Variants in ZNF473 observed in about 807,000 individuals in gnomAD.
ZNF473 encodes zinc finger protein 100 homolog.
Under a neutral mutation model 11.1 loss-of-function variants are expected in ZNF473, and 4 were observed. The observed-to-expected ratio is 0.36, with a 90% CI of 0.18 to 0.82. The LOEUF is 0.82. ZNF473 is among the 40% of genes least tolerant of loss of function. The pLI is 0.49. For synonymous variants in ZNF473, 404 were observed against 390.4 expected, an observed-to-expected ratio of 1.03 and a Z score of -0.41; for missense variants, 854 against 1,084.0, an observed-to-expected ratio of 0.79 and a Z score of 2.98.
rs769455350 is a variant in ZNF473, at chr19:50,045,514, C to T, written c.1071C>T (p.Asn357=). The change falls in exon 5 of 5, where the codon AAC becomes AAT. Residue 357 remains asparagine (N), a synonymous_variant. Coordinates refer to ENST00000270617, the MANE Select transcript of ZNF473 (RefSeq NM_015428.4). Reference sequence around the variant, plus strand: ...GTTCCAAGTGCCAGGCGACCTTCAACTTGAGAAAACACCTCATCCAACATC... The same window carrying T: ...GTTCCAAGTGCCAGGCGACCTTCAATTTGAGAAAACACCTCATCCAACATC... ...YECSKCQATF[N]LRKHLIQHQK... 8.7e-6 allele frequency: 14 copies of T among 1,614,102 alleles called. No homozygotes were observed. Among genetic ancestry groups the T allele is most frequent in the Non-Finnish European group, 4.2e-6 (5 of 1,180,046 alleles).
rs1979238891 is a variant in ZNF473 at position 50,048,031 on chromosome 19, T to C, written c.*972T>C. ...TCCAGGATGGCCGCTCACCAGGCAA[T>C]TTGCTAGGCTCGGGGGCGGGTAGTA... On this transcript the variant is annotated 3_prime_UTR_variant, in exon 5 of 5. Transcript: ENST00000270617. The C allele has an allele frequency of 6.6e-6, 1 of 152,220 alleles. No homozygotes were observed. The highest frequency in any genetic ancestry group is 2.4e-5 in the African/African-American group (1 of 41,452). The allele number at this position is 152,220 out of a possible 1,614,324, so 9.4% of individuals were successfully genotyped here. A position where few individuals can be genotyped will look rare whatever the true frequency, so the allele number is the denominator to read the frequency against.
At chr19:50,030,742 C>G (rs147405487) in intron 1 of ZNF473, 150 bp from the exon 2 acceptor site, 168 of 409,108 alleles carry the variant, frequency 4.1e-4, no homozygotes, top group Non-Finnish European at 7.4e-4. Context: ...CATAGACTTT[C>G]ATCACCAAAT....
At chr19:50,028,222 C>T (rs184147567) in intron 1 of ZNF473, among the ~76,000 whole-genome samples, 55 of 148,162 alleles carry the variant, frequency 3.7e-4, no homozygotes, top group African/African-American at 1.2e-3. Flanking sequence ...GGCATGAGCC[C>T]GGGAGGCAGA....
chr19:50,037,390 A>T (rs1287619822), intron 2 of ZNF473, among the ~76,000 whole-genome samples: 1 of 152,122 alleles, frequency 6.6e-6, no homozygotes, highest in Admixed American at 6.5e-5. Context: ...TCTTTCTTAA[A>T]ATGTGCCTGT....
rs1442601669 is a variant in ZNF473 at position 50,047,081 on chromosome 19, C to G, written c.*22C>G. 1 of 1,579,036 alleles carries G rather than the reference C, an allele frequency of 6.3e-7. No individual in the cohort carries two copies. The highest frequency in any genetic ancestry group is 1.1e-5 in the South Asian group (1 of 89,770). ...GTAGCCATTGGGTGGCAGCAGAGTC[C>G]CAGAATATGAGACCGTTACTCGGAT... On this transcript the variant is annotated 3_prime_UTR_variant, in exon 5 of 5. Coordinates refer to ENST00000270617, the MANE Select transcript of ZNF473 (RefSeq NM_015428.4).
intron 2 of ZNF473, among the ~76,000 whole-genome samples, chr19:50,031,960 C>T (rs910391233): frequency 6.6e-6 from 1 of 151,948 alleles, no homozygotes; most frequent in African/African-American, 2.4e-5. Context: ...CCCGATACCT[C>T]CCTTTGCCAC....
chr19:50,035,367 C>T (rs535586042), intron 2 of ZNF473, among the ~76,000 whole-genome samples: 2 of 151,610 alleles, frequency 1.3e-5, no homozygotes, highest in African/African-American at 2.4e-5. Flanking sequence ...AAATGCTTGA[C>T]TCTCCTTTTA....
In ZNF473 at chr19:50,044,741, G is replaced by C; in HGVS notation, c.298G>C (p.Glu100Gln). 6.2e-7 allele frequency: 1 copy of C among 1,614,208 alleles called. No individual in the cohort carries two copies. Among genetic ancestry groups the C allele is most frequent in the Non-Finnish European group, 8.5e-7 (1 of 1,180,026 alleles). The change falls in exon 5 of 5, where the codon GAG (glutamate) becomes CAG (glutamine). Residue 100 changes from glutamate to glutamine, a missense_variant. Glu to Gln is a conservative substitution (Grantham distance 29, BLOSUM62 2). This residue lies in a region of ZNF473 where 668 missense variants were observed against 790.2 expected (regional missense o/e 0.85). Coordinates refer to ENST00000270617, the MANE Select transcript of ZNF473 (RefSeq NM_015428.4). ...FEEGFSQEII[E>Q]MLSKDGFWNS... ...AGAAGGATTCTCCCAGGAGATTATA[G>C]AGATGTTATCCAAGGATGGCTTCTG... is the stretch of plus-strand genomic sequence containing the variant.
chr19:50,026,550 TAA>T (rs71180669), intron 1 of ZNF473, among the ~76,000 whole-genome samples: 77 of 119,292 alleles, frequency 6.5e-4, no homozygotes, highest in African/African-American at 1.7e-3. Flanking sequence ...GACTACATCT[TAA>T]AAAAAAAAAA....
At chr19:50,033,917 T>C (rs1273017239) in intron 2 of ZNF473, among the ~76,000 whole-genome samples, 1 of 152,182 alleles carries the variant, frequency 6.6e-6, no homozygotes, top group Non-Finnish European at 1.5e-5. Flanking sequence ...TCTCCCCATT[T>C]CCAGATTCTT....
intron 2 of ZNF473, among the ~76,000 whole-genome samples, chr19:50,031,594 C>A (rs535045525): frequency 6.6e-6 from 1 of 152,222 alleles, no homozygotes; most frequent in East Asian, 1.9e-4. Flanking sequence ...TCAGCACTTT[C>A]CTGCTCTAGC....
Position 50,039,263 on chromosome 19 carries a change from A to G in ZNF473, c.112A>G (p.Asn38Asp), listed in dbSNP as rs1978642830. 1.9e-6 allele frequency: 3 copies of G among 1,614,096 alleles called. No homozygotes were observed. The highest frequency in any genetic ancestry group is 2.5e-6 in the Non-Finnish European group (3 of 1,179,964). The change falls in exon 3 of 5, where the codon AAT becomes GAT. Residue 38 changes from asparagine (N) to aspartate (D), a missense_variant. This residue lies in a region of ZNF473 where 668 missense variants were observed against 790.2 expected (regional missense o/e 0.85). Transcript: ENST00000270617. The surrounding 1 kb of genome is among the most constrained non-coding windows in gnomAD (Gnocchi z 4.8). ...GDTFWDTALD[N>D]CQDLFLLDPP... is the part of the protein sequence containing the mutation. ...CACGTTCTGGGACACAGCGTTGGAC[A>G]ATTGCCAGGACCTCTTCCTGCTGGG...
At position 50,029,186 on chromosome 19, in the gene ZNF473, C is replaced by G. The variant is rs191341752; in HGVS notation, c.-191-1706C>G. ...TGAGACGGAGTCTCGCTCTGTCGCCCAGGCTGGAGTGCATGGCGCCATCTC... is the reference window on the plus strand; with the variant it reads ...TGAGACGGAGTCTCGCTCTGTCGCCGAGGCTGGAGTGCATGGCGCCATCTC... On this transcript the variant is annotated intron_variant, in intron 1 of 4. Coordinates refer to ENST00000270617, the MANE Select transcript of ZNF473 (RefSeq NM_015428.4). Among the ~76,000 whole-genome samples, 501 of 152,332 alleles carry G rather than the reference C, an allele frequency of 3.3e-3. 2 individuals carry two copies. Among genetic ancestry groups the G allele is most frequent in the African/African-American group, 0.011 (461 of 41,570 alleles).
In ZNF473 at chr19:50,045,420, G is replaced by T. The variant is rs776342217; in HGVS notation, c.977G>T (p.Gly326Val). Residue 326 changes from glycine (G) to valine (V), a missense_variant, in exon 5 of 5, where the codon GGC (glycine) becomes GTC (valine). By Grantham distance (109) the Gly-to-Val change is moderately radical. This residue lies in a region of ZNF473 where 668 missense variants were observed against 790.2 expected (regional missense o/e 0.85). Coordinates refer to ENST00000270617, the MANE Select transcript of ZNF473 (RefSeq NM_015428.4). ...AAGTCCTACAACTGTAACGAATGCGGCAAGGCTTTTACCCGGATCTTCCAC... is the reference window on the plus strand; with the variant it reads ...AAGTCCTACAACTGTAACGAATGCGTCAAGGCTTTTACCCGGATCTTCCAC... ...DSKSYNCNEC[G>V]KAFTRIFHLT... The T allele has an allele frequency of 6.2e-7, 1 of 1,614,104 alleles. No individual in the cohort carries two copies. Among genetic ancestry groups the T allele is most frequent in the Non-Finnish European group, 8.5e-7 (1 of 1,180,022 alleles).
chr19:50,038,644 T>C (rs1039282661), intron 2 of ZNF473, among the ~76,000 whole-genome samples: 4 of 152,142 alleles, frequency 2.6e-5, no homozygotes, highest in South Asian at 2.1e-4. Context: ...TGGATTCTGA[T>C]TGAGACGAGC....
chr19:50,040,698 TC>T (rs1168941679), intron 3 of ZNF473: 1 of 152,278 alleles, frequency 6.6e-6, no homozygotes, highest in Non-Finnish European at 1.5e-5. Flanking sequence ...TCATTTTCCC[TC>T]TCTGTTGCCT....
At chr19:50,036,138 T>A (rs1198475744) in intron 2 of ZNF473, among the ~76,000 whole-genome samples, 1 of 151,384 alleles carries the variant, frequency 6.6e-6, no homozygotes, top group East Asian at 1.9e-4. Context: ...TTTGTGTTTT[T>A]GGTAGAGATG....
intron 2 of ZNF473, among the ~76,000 whole-genome samples, chr19:50,034,264 C>T (rs954860444): frequency 1.3e-5 from 2 of 152,206 alleles, no homozygotes; most frequent in African/African-American, 4.8e-5. Flanking sequence ...CTTCTCACCC[C>T]CTCCATTGCT....
chr19:50,045,944 C>A lies in ZNF473; in HGVS notation c.1501C>A (p.Arg501Ser), dbSNP rs1417055554. The A allele has an allele frequency of 1.2e-6, 2 of 1,614,038 alleles. No individual in the cohort carries two copies. The highest frequency in any genetic ancestry group is 1.7e-6 in the Non-Finnish European group (2 of 1,180,040). The change falls in exon 5 of 5, where the codon CGC becomes AGC. Residue 501 changes from arginine (R) to serine (S), a missense_variant. Physicochemically the swap from Arg to Ser is moderately radical, Grantham distance 110. This residue lies in a region of ZNF473 where 668 missense variants were observed against 790.2 expected (regional missense o/e 0.85). Transcript: ENST00000270617. ...ECKETFSDNN[R>S]LVQHQKMHTV... Reference sequence around the variant, plus strand: ...CAAGGAGACTTTCAGCGATAACAATCGCCTTGTGCAACACCAGAAAATGCA... The same window carrying A: ...CAAGGAGACTTTCAGCGATAACAATAGCCTTGTGCAACACCAGAAAATGCA...
Sources: gnomAD v4.1 joint callset for allele counts (sites outside exome capture counted in the v4.1 genomes callset) on GRCh38, gnomAD v4.1.1 for gene constraint, gnomAD v4.1.1 regional missense constraint, Gnocchi (gnomAD v3.1) non-coding constraint, MANE v1.5 for transcripts, NCBI Gene and HGNC (gene_info 2026-07-23, HGNC 2026-07-21) for gene names.